The following TMEM123 variants were observed in gnomAD, a reference collection of about 807,000 sequenced individuals.
The protein encoded by TMEM123 is transmembrane protein 123, also known as porimin.
Under a neutral mutation model 19.7 loss-of-function variants are expected in TMEM123, and 16 were observed. The observed-to-expected ratio is 0.81, with a 90% CI of 0.55 to 1.23. The LOEUF is 1.23. Ranked by LOEUF, TMEM123 falls within the 50% of genes most tolerant of loss-of-function variation. The probability of loss-of-function intolerance (pLI) is 0.00; values close to 1 mark genes in which losing one functional copy is unlikely to be tolerated. For missense variants in TMEM123, 313 were observed against 257.8 expected, an observed-to-expected ratio of 1.21 and a Z score of -1.47; for synonymous variants, 118 against 99.4, an observed-to-expected ratio of 1.19 and a Z score of -1.12.
chr11:102,412,612 CTATTAA>C (rs1245698537), intron 2 of TMEM123, among the ~76,000 whole-genome samples: 4 of 152,166 alleles, frequency 2.6e-5, no homozygotes, highest in Admixed American at 2.6e-4. Flanking sequence ...GATAACAACT[CTATTAA>C]TATCATATGC....
At chr11:102,409,730 T>C (rs1455565922) in intron 2 of TMEM123, among the ~76,000 whole-genome samples, 2 of 151,808 alleles carry the variant, frequency 1.3e-5, no homozygotes, top group Non-Finnish European at 2.9e-5. Context: ...AAAAATTAGC[T>C]GGGCATGGTG....
In TMEM123 at chr11:102,405,298, C is replaced by T. The variant is rs376037301; in HGVS notation, c.158-3092G>A. On this transcript the variant is annotated intron_variant, in intron 2 of 4. Transcript: ENST00000398136. ...TGATCTCCTGACCTTGTGATCTGCCCGCCTCAGCCTCCCAAAGTGCTGGGA... is the reference window on the plus strand; with the variant it reads ...TGATCTCCTGACCTTGTGATCTGCCTGCCTCAGCCTCCCAAAGTGCTGGGA... 5.9e-5 allele frequency among the ~76,000 whole-genome samples: 9 copies of T among 151,450 alleles called. 1 individual carries two copies. The highest frequency in any genetic ancestry group is 6.8e-3 in the Middle Eastern group (2 of 292).
rs1030973187 is a variant in TMEM123, at chr11:102,398,730, G to A, written c.*137C>T. The A allele has an allele frequency of 1.5e-4, 106 of 713,542 alleles. No homozygotes were observed. The African/African-American group carries it at 1.8e-3, about 12-fold the overall frequency. 44.2% of individuals were successfully genotyped at this position (713,542 alleles called of 1,614,324 possible). ...CCTTGAAGAATCTTTACATATTTAC[G>A]TAATACACTGTACATTATATGCATG... On this transcript the variant is annotated 3_prime_UTR_variant, in exon 5 of 5. Transcript: ENST00000398136.
intron 2 of TMEM123, among the ~76,000 whole-genome samples, chr11:102,404,053 T>C (rs1951933647): frequency 6.6e-6 from 1 of 152,130 alleles, no homozygotes; most frequent in Non-Finnish European, 1.5e-5. Context: ...CAACACAAAA[T>C]GTACTAAGAC....
At chr11:102,444,068 G>T (rs1857856317) in intron 2 of TMEM123, among the ~76,000 whole-genome samples, 1 of 152,200 alleles carries the variant, frequency 6.6e-6, no homozygotes, top group African/African-American at 2.4e-5. Context: ...AGAGGATGTG[G>T]AGACATAGGA....
chr11:102,406,698 C>T (rs1433625062), intron 2 of TMEM123, among the ~76,000 whole-genome samples: 4 of 151,814 alleles, frequency 2.6e-5, no homozygotes, highest in African/African-American at 4.8e-5. Flanking sequence ...AGTGAAACCC[C>T]GTCTCTACCA....
In TMEM123 at chr11:102,401,583, T is replaced by C. The variant is rs1555053459; in HGVS notation, c.558A>G (p.Gly186=). The change falls in exon 4 of 5, where the codon GGA becomes GGG. Residue 186 remains glycine (G), a synonymous_variant. Coordinates refer to ENST00000398136, the MANE Select transcript of TMEM123 (RefSeq NM_052932.3). ...CTCTTCTTGAGTAATACATTTTGCA[T>C]CCAATGTAAAGAATAGATAAAACTC... The part of the protein sequence containing the change: ...TLGVLSILYI[G]CKMYYSRRGI... 2 of 1,599,086 alleles carry C rather than the reference T, an allele frequency of 1.3e-6. No individual in the cohort carries two copies. Among genetic ancestry groups the C allele is most frequent in the South Asian group, 1.1e-5 (1 of 87,198 alleles).
chr11:102,446,143 A>C (rs1490786751), intron 2 of TMEM123, among the ~76,000 whole-genome samples: 1 of 152,216 alleles, frequency 6.6e-6, no homozygotes, highest in African/African-American at 2.4e-5. Context: ...TCCAATCTAG[A>C]CCATGCCACA....
At position 102,452,709 on chromosome 11, in the gene TMEM123, G is replaced by A; in HGVS notation, c.-86C>T. ...GCGGCTCCTCTGCGCAGCCGGCGCC[G>A]GCTCCGCTTCCCCTTCGGCCGCGCA... is the stretch of plus-strand genomic sequence containing the variant. On this transcript the variant is annotated 5_prime_UTR_variant, in exon 1 of 5. Coordinates refer to ENST00000398136, the MANE Select transcript of TMEM123 (RefSeq NM_052932.3). 9.2e-7 allele frequency: 1 copy of A among 1,089,798 alleles called. No individual in the cohort carries two copies. Among genetic ancestry groups the A allele is most frequent in the Non-Finnish European group, 1.2e-6 (1 of 829,794 alleles). The allele number at this position is 1,089,798 out of a possible 1,614,324, so 67.5% of individuals were successfully genotyped here. A position where few individuals can be genotyped will look rare whatever the true frequency, so the allele number is the denominator to read the frequency against.
intron 2 of TMEM123, among the ~76,000 whole-genome samples, chr11:102,439,169 T>C (rs1857797536): frequency 6.6e-6 from 1 of 152,084 alleles, no homozygotes; most frequent in Non-Finnish European, 1.5e-5. Context: ...GAGCAGGGCA[T>C]ACATAGCTGA....
chr11:102,407,636 CACAA>C (rs1251313314), intron 2 of TMEM123, among the ~76,000 whole-genome samples: 4 of 152,056 alleles, frequency 2.6e-5, no homozygotes, highest in Non-Finnish European at 5.9e-5. Flanking sequence ...GAGACAGACA[CACAA>C]ACACACACAA....
In TMEM123 at chr11:102,433,921, T is replaced by TC. The variant is rs529230202; in HGVS notation, c.157+14890dup. 1.8e-3 allele frequency among the ~76,000 whole-genome samples: 275 copies of TC among 151,934 alleles called. 8 individuals carry two copies. The highest frequency in any genetic ancestry group is 3.6e-3 in the Non-Finnish European group (243 of 67,834). ...CCATGATTATAAGTTTCCTGAGGCCTCCCTAGCCATGTGGAACTGTGACTC... is the reference window on the plus strand; with the variant it reads ...CCATGATTATAAGTTTCCTGAGGCCTCCCCTAGCCATGTGGAACTGTGACTC... On this transcript the variant is annotated intron_variant, in intron 2 of 4. Transcript: ENST00000398136.
intron 2 of TMEM123, among the ~76,000 whole-genome samples, chr11:102,413,934 T>C (rs12283401): frequency 6.6e-6 from 1 of 152,140 alleles, no homozygotes; most frequent in Non-Finnish European, 1.5e-5. Context: ...CAGGACAAAG[T>C]TGAAGCCCAA....
In TMEM123 at chr11:102,397,873, A is replaced by C. The variant is rs950936509; in HGVS notation, c.*994T>G. The C allele has an allele frequency of 4.6e-5, 7 of 152,194 alleles. No homozygotes were observed. Among genetic ancestry groups the C allele is most frequent in the African/African-American group, 1.7e-4 (7 of 41,452 alleles). 9.4% of individuals were successfully genotyped at this position (152,194 alleles called of 1,614,324 possible). ...TAGTTTTGACTCTATAGAATTCTAA[A>C]TGTTCTTTTGAAAATCATACAAGCG... On this transcript the variant is annotated 3_prime_UTR_variant, in exon 5 of 5. Coordinates refer to ENST00000398136, the MANE Select transcript of TMEM123 (RefSeq NM_052932.3).
At chr11:102,422,294 C>T (rs1350251605) in intron 2 of TMEM123, among the ~76,000 whole-genome samples, 1 of 152,048 alleles carries the variant, frequency 6.6e-6, no homozygotes, top group Non-Finnish European at 1.5e-5. Context: ...GCCAACATGA[C>T]GAAACCTTGT....
At chr11:102,427,997 A>ATG (rs1452749200) in intron 2 of TMEM123, among the ~76,000 whole-genome samples, 8 of 152,152 alleles carry the variant, frequency 5.3e-5, no homozygotes, top group Non-Finnish European at 1.5e-5. Flanking sequence ...CTCTTCCTCA[A>ATG]TGAGGATATA....
At chr11:102,424,603 C>T (rs1245690704) in intron 2 of TMEM123, among the ~76,000 whole-genome samples, 1 of 152,050 alleles carries the variant, frequency 6.6e-6, no homozygotes, top group African/African-American at 2.4e-5. Context: ...GTGGGAGAAT[C>T]GCTTGAACCC....
rs183152402 is a variant in TMEM123 at position 102,449,799 on chromosome 11, T to G, written c.101-931A>C. On this transcript the variant is annotated intron_variant, in intron 1 of 4. Coordinates refer to ENST00000398136, the MANE Select transcript of TMEM123 (RefSeq NM_052932.3). ...GTGCTTACCACAAGCCAGGGTTATGTGCATTAGCTCATCTAACCCTCTCAA... is the reference window on the plus strand; with the variant it reads ...GTGCTTACCACAAGCCAGGGTTATGGGCATTAGCTCATCTAACCCTCTCAA... Among the ~76,000 whole-genome samples the G allele has an allele frequency of 5.3e-5, 8 of 152,328 alleles. No homozygotes were observed. The East Asian group carries it at 1.5e-3, about 29-fold the overall frequency.
At position 102,402,112 on chromosome 11, in the gene TMEM123, TG is replaced by T. The variant is rs1489793405; in HGVS notation, c.251del (p.Thr84LysfsTer6). On this transcript the variant is annotated frameshift_variant, in exon 3 of 5. Coordinates refer to ENST00000398136, the MANE Select transcript of TMEM123 (RefSeq NM_052932.3). LOFTEE classifies it high-confidence loss of function. ...CTGTAGGTTTCATGGTGGTGACCGTTGTATTACTGGAGTCTGAGGCAACTGA... is the reference window on the plus strand; with the variant it reads ...CTGTAGGTTTCATGGTGGTGACCGTTTATTACTGGAGTCTGAGGCAACTGA... The part of the protein sequence containing the change: ...PTSVASDSSN[T>X]TVTTMKPTAA... 7.4e-6 allele frequency: 12 copies of T among 1,614,180 alleles called. No individual in the cohort carries two copies. The highest frequency in any genetic ancestry group is 4.5e-5 in the East Asian group (2 of 44,872).
Sources: gnomAD v4.1 joint callset for allele counts (sites outside exome capture counted in the v4.1 genomes callset) on GRCh38, gnomAD v4.1.1 for gene constraint, MANE v1.5 for transcripts, NCBI Gene and HGNC (gene_info 2026-07-23, HGNC 2026-07-21) for gene names.